The following GRK3 variants were observed in gnomAD, a reference collection of about 807,000 sequenced individuals.
The protein encoded by GRK3 is adrenergic, beta, receptor kinase 2.
GRK3 carries 54 observed loss-of-function variants against 95.7 expected under a neutral mutation model. The ratio of observed to expected loss-of-function variants is 0.56; its 90% CI spans 0.45 to 0.71. The LOEUF (loss-of-function observed/expected upper bound fraction) is 0.71. Ranked by LOEUF, GRK3 falls within the 30% of genes least tolerant of loss-of-function variation. The pLI, the probability that GRK3 is intolerant of heterozygous loss-of-function variation, is 0.00. For missense variants in GRK3, 649 were observed against 851.2 expected, an observed-to-expected ratio of 0.76 and a Z score of 2.96; for synonymous variants, 281 against 290.8, an observed-to-expected ratio of 0.97 and a Z score of 0.34.
intron 15 of GRK3, among the ~76,000 whole-genome samples, chr22:25,705,484 C>T (rs981061979): frequency 6.6e-6 from 1 of 152,100 alleles, no homozygotes; most frequent in African/African-American, 2.4e-5. Context: ...AGGTTAATTT[C>T]AAAAGTTGCA....
At chr22:25,580,986 A>C (rs1030682661) in intron 1 of GRK3, 23 of 152,210 alleles carry the variant, frequency 1.5e-4, no homozygotes, top group African/African-American at 5.1e-4. Context: ...ATGGTGGCAC[A>C]CACCTGTAGT....
chr22:25,667,664 T>G, intron 5 of GRK3, 75 bp from the exon 6 acceptor site: 3 of 1,050,558 alleles, frequency 2.9e-6, no homozygotes, highest in Non-Finnish European at 4.4e-6. Flanking sequence ...TCGCTTAACC[T>G]GAGTCTCATT....
At chr22:25,709,162 C>T (rs945496953) in intron 15 of GRK3, among the ~76,000 whole-genome samples, 2 of 152,010 alleles carry the variant, frequency 1.3e-5, no homozygotes, top group Non-Finnish European at 1.5e-5. Flanking sequence ...TTCAGCCTTC[C>T]GAGTAGCTGG....
At chr22:25,580,884 G>T (rs1281425204) in intron 1 of GRK3, among the ~76,000 whole-genome samples, 1 of 152,164 alleles carries the variant, frequency 6.6e-6, no homozygotes, top group Non-Finnish European at 1.5e-5. Flanking sequence ...CAGCACTTTG[G>T]GTGGCCGAGG....
chr22:25,693,056 A>T (rs2085177698), intron 12 of GRK3, among the ~76,000 whole-genome samples: 1 of 152,374 alleles, frequency 6.6e-6, no homozygotes, highest in South Asian at 2.1e-4. Context: ...ATTGTAAACT[A>T]GAAGTTAACT....
intron 2 of GRK3, among the ~76,000 whole-genome samples, chr22:25,623,900 C>A (rs964212654): frequency 1.3e-5 from 2 of 152,184 alleles, no homozygotes; most frequent in African/African-American, 4.8e-5. Flanking sequence ...TTTCTCCAGC[C>A]CTTTTGTTAA....
At chr22:25,611,754 G>C (rs576416429) in intron 2 of GRK3, among the ~76,000 whole-genome samples, 1 of 151,594 alleles carries the variant, frequency 6.6e-6, no homozygotes, top group East Asian at 1.9e-4. Context: ...TTTCCTAATG[G>C]TGACTTTTGA....
At chr22:25,634,581 A>T (rs1484674828) in intron 2 of GRK3, among the ~76,000 whole-genome samples, 1 of 152,328 alleles carries the variant, frequency 6.6e-6, no homozygotes, top group South Asian at 2.1e-4. Context: ...TCCTCCCAGA[A>T]TTATGTTTAA....
At chr22:25,661,480 A>G (rs1317904244) in intron 3 of GRK3, 96 bp from the exon 4 acceptor site, 1 of 655,688 alleles carries the variant, frequency 1.5e-6, no homozygotes, top group East Asian at 2.7e-5. Flanking sequence ...GCTTTATCTC[A>G]TGTGCAAGTG....
chr22:25,711,059 AT>A lies in GRK3; in HGVS notation c.1396-8del. On this transcript the variant is annotated splice_polypyrimidine_tract_variant and splice_region_variant and intron_variant, in intron 16 of 20. Transcript: ENST00000324198. ...TGAAAACTGTACCATGCTTGTTTGG[AT>A]CTTCCAGTACCCACCACCCTTGATT... 16 of 1,592,924 alleles carry A rather than the reference AT, an allele frequency of 1.0e-5. No individual in the cohort carries two copies. The highest frequency in any genetic ancestry group is 1.4e-5 in the Non-Finnish European group (16 of 1,164,634).
chr22:25,598,416 T>C lies in GRK3; in HGVS notation c.114-5961T>C, dbSNP rs2084386771. ...GTCCTGGCTTGGTGGCTCACGCCTG[T>C]ATCCCAGCACTTTGGGAGTCTGAGC... is the stretch of plus-strand genomic sequence containing the variant. On this transcript the variant is annotated intron_variant, in intron 1 of 20. Coordinates refer to ENST00000324198, the MANE Select transcript of GRK3 (RefSeq NM_005160.4). Among the ~76,000 whole-genome samples, 4 of 152,206 alleles carry C rather than the reference T, an allele frequency of 2.6e-5. No homozygotes were observed. In the South Asian group the frequency reaches 8.3e-4, roughly 32 times the overall value.
chr22:25,649,172 G>A (rs2084809888), intron 3 of GRK3: 3 of 1,376,282 alleles, frequency 2.2e-6, no homozygotes, highest in East Asian at 4.6e-5. Context: ...AATATGTTCA[G>A]TCCTTCTTGG....
chr22:25,655,437 T>C (rs560820722), intron 3 of GRK3, among the ~76,000 whole-genome samples: 1 of 152,308 alleles, frequency 6.6e-6, no homozygotes, highest in Admixed American at 6.5e-5. Flanking sequence ...TTCTCTAAGG[T>C]CTAGCTCAAT....
chr22:25,637,319 C>T (rs916285662), intron 2 of GRK3, among the ~76,000 whole-genome samples: 17 of 152,176 alleles, frequency 1.1e-4, no homozygotes, highest in Admixed American at 2.6e-4. Flanking sequence ...TGGGACTTCT[C>T]GGCCTCCATA....
In GRK3 at chr22:25,725,642, C is replaced by A; in HGVS notation, c.*3192C>A. 1 of 398,464 alleles carries A rather than the reference C, an allele frequency of 2.5e-6. No homozygotes were observed. The highest frequency in any genetic ancestry group is 1.3e-4 in the South Asian group (1 of 7,830). The allele number at this position is 398,464 out of a possible 1,614,324, so 24.7% of individuals were successfully genotyped here. ...ATTCACTGACGTGACAATTTCAGGT[C>A]CTATGTTTAAAAAGAAGGGGCTGGC... is the stretch of plus-strand genomic sequence containing the variant. On this transcript the variant is annotated 3_prime_UTR_variant, in exon 21 of 21. Transcript: ENST00000324198.
rs966479593 is a variant in GRK3, at chr22:25,662,834, T to C, written c.367-796T>C. 7.2e-5 allele frequency among the ~76,000 whole-genome samples: 11 copies of C among 152,290 alleles called. No homozygotes were observed. In the East Asian group the frequency reaches 2.1e-3, roughly 29 times the overall value. Reference sequence around the variant, plus strand: ...GATGGTACTTTTAAGCCTTTCTTCTTATTGTACATTATTAAAGAAGACACA... The same window carrying C: ...GATGGTACTTTTAAGCCTTTCTTCTCATTGTACATTATTAAAGAAGACACA... On this transcript the variant is annotated intron_variant, in intron 4 of 20. Transcript: ENST00000324198.
intron 1 of GRK3, among the ~76,000 whole-genome samples, chr22:25,575,291 A>G (rs1232252882): frequency 1.3e-5 from 2 of 152,234 alleles, no homozygotes; most frequent in East Asian, 3.8e-4. Context: ...GTGAAGCGTT[A>G]TGGCCTATGG....
intron 1 of GRK3, among the ~76,000 whole-genome samples, chr22:25,566,400 C>T (rs1372869727): frequency 1.3e-5 from 2 of 152,154 alleles, no homozygotes; most frequent in Admixed American, 1.3e-4. Flanking sequence ...TACAAGTCAT[C>T]CATGAGCCCT....
chr22:25,627,026 G>A (rs1163957747), intron 2 of GRK3, among the ~76,000 whole-genome samples: 1 of 152,114 alleles, frequency 6.6e-6, no homozygotes, highest in Non-Finnish European at 1.5e-5. Flanking sequence ...AGGATGCAAG[G>A]GCCATCTGGG....
Sources: gnomAD v4.1 joint callset for allele counts (sites outside exome capture counted in the v4.1 genomes callset) on GRCh38, gnomAD v4.1.1 for gene constraint, MANE v1.5 for transcripts, NCBI Gene and HGNC (gene_info 2026-07-23, HGNC 2026-07-21) for gene names.